The following KCND2 variants were observed in gnomAD, a reference collection of about 807,000 sequenced individuals.
KCND2 encodes A-type voltage-gated potassium channel KCND2.
KCND2 carries 16 observed loss-of-function variants against 54.4 expected under a neutral mutation model. That is an observed-to-expected ratio of 0.29 (90% CI 0.20 to 0.45). The LOEUF (loss-of-function observed/expected upper bound fraction) is 0.45, where lower values mean the gene tolerates loss of function less well. Ranked by LOEUF, KCND2 falls within the 20% of genes least tolerant of loss-of-function variation. KCND2 has a pLI of 1.00. For synonymous variants in KCND2, 317 were observed against 310.7 expected, an observed-to-expected ratio of 1.02 and a Z score of -0.21; for missense variants, 486 against 824.2, an observed-to-expected ratio of 0.59 and a Z score of 5.02.
At chr7:120,554,623 T>A (rs1336585840) in intron 1 of KCND2, among the ~76,000 whole-genome samples, 2 of 152,054 alleles carry the variant, frequency 1.3e-5, no homozygotes, top group Admixed American at 6.6e-5. Context: ...TTAGCCAGGA[T>A]GGTGTCGATC....
At chr7:120,369,882 A>T (rs1800742131) in intron 1 of KCND2, among the ~76,000 whole-genome samples, 1 of 152,068 alleles carries the variant, frequency 6.6e-6, no homozygotes, top group South Asian at 2.1e-4. Context: ...TTTGTGGCAG[A>T]TAGAAGATAA....
intron 1 of KCND2, among the ~76,000 whole-genome samples, chr7:120,581,765 G>A (rs1382787113): frequency 1.3e-5 from 2 of 151,878 alleles, no homozygotes; most frequent in Non-Finnish European, 2.9e-5. Flanking sequence ...AGGCTGGAGT[G>A]CAACGGTATG....
At chr7:120,484,697 A>ACATG (rs1411877908) in intron 1 of KCND2, among the ~76,000 whole-genome samples, 2 of 129,778 alleles carry the variant, frequency 1.5e-5, no homozygotes, top group African/African-American at 7.5e-5. Context: ...TATATATATT[A>ACATG]CACGCACACA....
At chr7:120,723,997 G>A (rs2116114072) in intron 1 of KCND2, among the ~76,000 whole-genome samples, 1 of 152,230 alleles carries the variant, frequency 6.6e-6, no homozygotes, top group East Asian at 1.9e-4. Flanking sequence ...ATGGTTTTGG[G>A]CCTGGAGAAA....
chr7:120,463,149 G>A (rs1437687559), intron 1 of KCND2, among the ~76,000 whole-genome samples: 4 of 151,772 alleles, frequency 2.6e-5, no homozygotes, highest in African/African-American at 9.7e-5. Flanking sequence ...TTCTTCCCCC[G>A]CCCTTACAGA....
chr7:120,291,441 G>A (rs1460610306), intron 1 of KCND2, among the ~76,000 whole-genome samples: 1 of 151,700 alleles, frequency 6.6e-6, no homozygotes, highest in Non-Finnish European at 1.5e-5. Flanking sequence ...GTGTATATTA[G>A]GTGTTGAATA....
intron 1 of KCND2, among the ~76,000 whole-genome samples, chr7:120,583,923 C>G (rs1792554084): frequency 6.6e-6 from 1 of 152,146 alleles, no homozygotes; most frequent in African/African-American, 2.4e-5. Context: ...CAGTCATCCA[C>G]CCTAATGTCT....
At chr7:120,353,109 A>G (rs1800439393) in intron 1 of KCND2, among the ~76,000 whole-genome samples, 1 of 150,938 alleles carries the variant, frequency 6.6e-6, no homozygotes, top group African/African-American at 2.4e-5. Flanking sequence ...CTATTTTTGT[A>G]ACAATGTGAG....
chr7:120,415,382 G>A (rs905347750), intron 1 of KCND2, among the ~76,000 whole-genome samples: 6 of 152,080 alleles, frequency 3.9e-5, no homozygotes, highest in South Asian at 4.1e-4. Context: ...TCTTAAAGTG[G>A]TGCTGTCATA....
chr7:120,533,743 A>G (rs1791869693), intron 1 of KCND2, among the ~76,000 whole-genome samples: 1 of 152,124 alleles, frequency 6.6e-6, no homozygotes, highest in South Asian at 2.1e-4. Flanking sequence ...CACATAAATG[A>G]TTCCACAGTT....
intron 1 of KCND2, among the ~76,000 whole-genome samples, chr7:120,514,601 G>GT (rs1371421892): frequency 2.6e-5 from 4 of 151,942 alleles, no homozygotes; most frequent in Non-Finnish European, 4.4e-5. Flanking sequence ...TGGTTTGTTT[G>GT]TTTTTTTACT....
At chr7:120,372,892 C>T (rs1229166780) in intron 1 of KCND2, among the ~76,000 whole-genome samples, 3 of 151,976 alleles carry the variant, frequency 2.0e-5, no homozygotes, top group Non-Finnish European at 4.4e-5. Flanking sequence ...CTTTCAACTA[C>T]AAGTCTTTAT....
chr7:120,389,424 A>G (rs1332388039), intron 1 of KCND2, among the ~76,000 whole-genome samples: 1 of 151,832 alleles, frequency 6.6e-6, no homozygotes, highest in African/African-American at 2.4e-5. Context: ...ATATAGTACA[A>G]TATTATTAAC....
chr7:120,597,153 G>A (rs552300384), intron 1 of KCND2, among the ~76,000 whole-genome samples: 1 of 152,278 alleles, frequency 6.6e-6, no homozygotes, highest in Non-Finnish European at 1.5e-5. Flanking sequence ...AAGGACCTGA[G>A]CTAGGAACGG....
chr7:120,735,396 T>C (rs1792858051), intron 2 of KCND2, among the ~76,000 whole-genome samples: 2 of 152,004 alleles, frequency 1.3e-5, no homozygotes, highest in Non-Finnish European at 2.9e-5. Flanking sequence ...CTACCAAAAG[T>C]TTAACTTTCA....
chr7:120,389,697 T>C (rs542702349), intron 1 of KCND2, among the ~76,000 whole-genome samples: 1 of 151,954 alleles, frequency 6.6e-6, no homozygotes, highest in African/African-American at 2.4e-5. Context: ...ATTACAGTAT[T>C]GTTATATTTA....
At chr7:120,340,359 A>G (rs1337724948) in intron 1 of KCND2, among the ~76,000 whole-genome samples, 1 of 152,238 alleles carries the variant, frequency 6.6e-6, no homozygotes, top group Non-Finnish European at 1.5e-5. Context: ...AAGATCTGAA[A>G]TGAAGCCAGC....
intron 2 of KCND2, among the ~76,000 whole-genome samples, chr7:120,739,660 G>A (rs927179749): frequency 6.6e-6 from 1 of 151,968 alleles, no homozygotes; most frequent in Non-Finnish European, 1.5e-5. Context: ...GAAGGGAAGA[G>A]GGGTGGAGTT....
intron 1 of KCND2, among the ~76,000 whole-genome samples, chr7:120,477,719 A>G (rs912691527): frequency 6.6e-6 from 1 of 152,146 alleles, no homozygotes; most frequent in African/African-American, 2.4e-5. Flanking sequence ...AAGGGTCTGC[A>G]GTCAAGCATG....
Sources: gnomAD v4.1 joint callset for allele counts (sites outside exome capture counted in the v4.1 genomes callset) on GRCh38, gnomAD v4.1.1 for gene constraint, MANE v1.5 for transcripts, NCBI Gene and HGNC (gene_info 2026-07-23, HGNC 2026-07-21) for gene names.